TBXAS1: variants seen among roughly 807,000 people sequenced by gnomAD.
TBXAS1 encodes thromboxane-A synthase.
A neutral mutation model predicts 60.7 loss-of-function variants in TBXAS1; 48 were observed. That is an observed-to-expected ratio of 0.79 (90% CI 0.63 to 1.01). The LOEUF (loss-of-function observed/expected upper bound fraction) is 1.01, where lower values mean the gene tolerates loss of function less well. TBXAS1 is among the 50% of genes least tolerant of loss of function. The probability of loss-of-function intolerance (pLI) is 0.00; values close to 1 mark genes in which losing one functional copy is unlikely to be tolerated. For missense variants in TBXAS1, 685 were observed against 686.3 expected, an observed-to-expected ratio of 1.00 and a Z score of 0.02; for synonymous variants, 287 against 269.7, an observed-to-expected ratio of 1.06 and a Z score of -0.63.
chr7:139,872,106 G>C (rs1436335333), intron 1 of TBXAS1, 129 bp from the exon 2 acceptor site: 10 of 924,554 alleles, frequency 1.1e-5, no homozygotes, highest in Non-Finnish European at 1.7e-5. Context: ...TTGGTTCTTA[G>C]ATGTGGTGAC....
chr7:139,985,994 C>T (rs1037650113), intron 9 of TBXAS1, among the ~76,000 whole-genome samples: 10 of 152,226 alleles, frequency 6.6e-5, no homozygotes, highest in Non-Finnish European at 1.3e-4. Flanking sequence ...GCATGAGGTG[C>T]TACATGAGCA....
At chr7:139,862,748 G>A (rs1029558112) in intron 1 of TBXAS1, among the ~76,000 whole-genome samples, 4 of 152,188 alleles carry the variant, frequency 2.6e-5, no homozygotes, top group African/African-American at 9.7e-5. Context: ...TAACAAGATT[G>A]GCTTTAGATA....
At chr7:139,900,350 T>C (rs1370412386) in intron 3 of TBXAS1, among the ~76,000 whole-genome samples, 2 of 152,204 alleles carry the variant, frequency 1.3e-5, no homozygotes, top group Non-Finnish European at 2.9e-5. Context: ...GTGAGTGGTA[T>C]GGCTGGATGA....
intron 10 of TBXAS1, among the ~76,000 whole-genome samples, chr7:140,009,090 A>G (rs1173835711): frequency 6.6e-6 from 1 of 152,246 alleles, no homozygotes; most frequent in Admixed American, 6.5e-5. Flanking sequence ...GTCATGTTGA[A>G]TAACAAAGGG....
intron 4 of TBXAS1, among the ~76,000 whole-genome samples, chr7:139,806,879 G>A (rs139165939): frequency 6.6e-6 from 1 of 152,318 alleles, no homozygotes; most frequent in East Asian, 1.9e-4. Flanking sequence ...CTGGTGTGTG[G>A]TCCCTGGCCT....
At chr7:139,876,981 T>G (rs936831568) in intron 3 of TBXAS1, among the ~76,000 whole-genome samples, 1 of 152,148 alleles carries the variant, frequency 6.6e-6, no homozygotes, top group Non-Finnish European at 1.5e-5. Flanking sequence ...CAGGTTCTCA[T>G]GGTAAGGGCA....
chr7:139,878,106 T>TGA (rs1342154150), intron 3 of TBXAS1, among the ~76,000 whole-genome samples: 37 of 131,574 alleles, frequency 2.8e-4, no homozygotes, highest in East Asian at 1.3e-3. Flanking sequence ...GTTGTGTGTG[T>TGA]GTGAGAGAGA....
At chr7:139,930,110 C>T (rs1486685282) in intron 4 of TBXAS1, among the ~76,000 whole-genome samples, 2 of 152,188 alleles carry the variant, frequency 1.3e-5, no homozygotes, top group Non-Finnish European at 2.9e-5. Flanking sequence ...GCACATGATG[C>T]CTTTGCTGTA....
At chr7:139,933,100 T>G (rs1035455114) in intron 4 of TBXAS1, among the ~76,000 whole-genome samples, 4 of 152,132 alleles carry the variant, frequency 2.6e-5, no homozygotes, top group African/African-American at 9.7e-5. Flanking sequence ...AACATTACAA[T>G]AATCAATAGC....
intron 3 of TBXAS1, among the ~76,000 whole-genome samples, chr7:139,897,845 A>G (rs1452788593): frequency 1.3e-5 from 2 of 151,794 alleles, no homozygotes; most frequent in African/African-American, 2.4e-5. Flanking sequence ...GCAACTCCAG[A>G]CTCCATGGCC....
chr7:139,834,023 A>T (rs575550072), intron 1 of TBXAS1, among the ~76,000 whole-genome samples: 1 of 152,336 alleles, frequency 6.6e-6, no homozygotes, highest in Admixed American at 6.5e-5. Flanking sequence ...ATTCAACATC[A>T]TATGGAACTT....
chr7:139,997,825 C>T (rs1671380108), intron 9 of TBXAS1, among the ~76,000 whole-genome samples: 1 of 152,230 alleles, frequency 6.6e-6, no homozygotes, highest in Admixed American at 6.5e-5. Context: ...GCAATATCTA[C>T]TAAAGCTGAA....
intron 5 of TBXAS1, among the ~76,000 whole-genome samples, chr7:139,951,919 G>C (rs1422609702): frequency 1.2e-5 from 1 of 84,728 alleles, no homozygotes; most frequent in Non-Finnish European, 2.4e-5. Flanking sequence ...GAAAGAAAGA[G>C]AGAAAGAAAG....
intron 5 of TBXAS1, among the ~76,000 whole-genome samples, chr7:139,948,193 G>C (rs529300808): frequency 6.6e-6 from 1 of 152,268 alleles, no homozygotes; most frequent in South Asian, 2.1e-4. Flanking sequence ...CAGTTTTGGA[G>C]GCTGGGTGCC....
At chr7:139,898,590 C>T (rs1321588946) in intron 3 of TBXAS1, among the ~76,000 whole-genome samples, 3 of 152,050 alleles carry the variant, frequency 2.0e-5, no homozygotes, top group East Asian at 1.9e-4. Flanking sequence ...GGATTACAGG[C>T]GTGAGCCACT....
At chr7:139,997,037 T>C (rs918550732) in intron 9 of TBXAS1, among the ~76,000 whole-genome samples, 1 of 152,226 alleles carries the variant, frequency 6.6e-6, no homozygotes, top group Non-Finnish European at 1.5e-5. Context: ...TTTCAGTATG[T>C]TATCTTGACT....
intron 4 of TBXAS1, among the ~76,000 whole-genome samples, chr7:139,800,283 A>G (rs1382500044): frequency 6.6e-6 from 1 of 152,144 alleles, no homozygotes; most frequent in Non-Finnish European, 1.5e-5. Flanking sequence ...TCCTTATAGT[A>G]GCTTCCAAGG....
At chr7:139,917,232 T>C (rs565681941) in intron 4 of TBXAS1, among the ~76,000 whole-genome samples, 1 of 152,274 alleles carries the variant, frequency 6.6e-6, no homozygotes, top group African/African-American at 2.4e-5. Context: ...GAAACACAGG[T>C]GTGCAACCTC....
chr7:139,996,156 G>A (rs554649050), intron 9 of TBXAS1, among the ~76,000 whole-genome samples: 3 of 149,956 alleles, frequency 2.0e-5, no homozygotes, highest in African/African-American at 4.9e-5. Context: ...TTTTAGAGAT[G>A]GGGTTTCACT....
Sources: gnomAD v4.1 joint callset for allele counts (sites outside exome capture counted in the v4.1 genomes callset) on GRCh38, gnomAD v4.1.1 for gene constraint, MANE v1.5 for transcripts, NCBI Gene and HGNC (gene_info 2026-07-23, HGNC 2026-07-21) for gene names.